MTUS2: variants seen among roughly 807,000 people sequenced by gnomAD.
MTUS2 encodes microtubule associated scaffold protein 2, also known as microtubule-associated tumor suppressor candidate 2.
Under a neutral mutation model 114.1 loss-of-function variants are expected in MTUS2, and 40 were observed. The observed-to-expected ratio is 0.35, with a 90% CI of 0.27 to 0.46. The LOEUF (loss-of-function observed/expected upper bound fraction) is 0.46, where lower values mean the gene tolerates loss of function less well. Ranked by LOEUF, MTUS2 falls within the 20% of genes least tolerant of loss-of-function variation. The pLI is 1.00. For synonymous variants in MTUS2, 688 were observed against 672.0 expected, an observed-to-expected ratio of 1.02 and a Z score of -0.37; for missense variants, 1,679 against 1,705.4, an observed-to-expected ratio of 0.98 and a Z score of 0.27.
At chr13:29,391,127 T>C (rs1873426327) in intron 8 of MTUS2, among the ~76,000 whole-genome samples, 1 of 152,044 alleles carries the variant, frequency 6.6e-6, no homozygotes, top group African/African-American at 2.4e-5. Context: ...TCTCACTCTG[T>C]CACCCAGGCC....
At position 28,989,865 on chromosome 13, in the gene MTUS2, T is replaced by G. The variant is rs868722201; in HGVS notation, c.-242-34592T>G. On this transcript the variant is annotated intron_variant, in intron 2 of 15. Coordinates refer to ENST00000612955, the MANE Select transcript of MTUS2 (RefSeq NM_001033602.4). ...TTGTTTTGTTTTGTTTTTTTTTTTTTTTGCAGAATTGCCTGATTTGTGCAT... is the reference window on the plus strand; with the variant it reads ...TTGTTTTGTTTTGTTTTTTTTTTTTGTTGCAGAATTGCCTGATTTGTGCAT... 5.7e-3 allele frequency among the ~76,000 whole-genome samples: 864 copies of G among 151,888 alleles called. 8 individuals carry two copies. The highest frequency in any genetic ancestry group is 0.02 in the African/African-American group (824 of 41,446).
chr13:29,371,513 C>T (rs919786047), intron 8 of MTUS2, among the ~76,000 whole-genome samples: 1 of 152,100 alleles, frequency 6.6e-6, no homozygotes, highest in African/African-American at 2.4e-5. Context: ...CCACTGTGCC[C>T]GGCCTCTTCA....
At chr13:28,951,989 A>G (rs945704643) in intron 2 of MTUS2, among the ~76,000 whole-genome samples, 7 of 152,210 alleles carry the variant, frequency 4.6e-5, no homozygotes, top group African/African-American at 1.4e-4. Flanking sequence ...TGTGTGCAGC[A>G]TGCCCGCATA....
intron 7 of MTUS2, among the ~76,000 whole-genome samples, chr13:29,358,503 C>T (rs1342961834): frequency 6.6e-6 from 1 of 152,180 alleles, no homozygotes; most frequent in Non-Finnish European, 1.5e-5. Flanking sequence ...ACTTCCTATT[C>T]ATCGTGAGAG....
intron 4 of MTUS2, among the ~76,000 whole-genome samples, chr13:29,038,946 C>G (rs1432560304): frequency 6.6e-6 from 1 of 152,220 alleles, no homozygotes; most frequent in Non-Finnish European, 1.5e-5. Context: ...CCAAAGCCAC[C>G]ACTTCATGTA....
chr13:29,440,583 G>A (rs1877763229), intron 9 of MTUS2, among the ~76,000 whole-genome samples: 1 of 152,174 alleles, frequency 6.6e-6, no homozygotes, highest in African/African-American at 2.4e-5. Flanking sequence ...CCCTGGGGAT[G>A]TGGCTTTCAC....
chr13:29,232,746 A>G (rs1490459075), intron 5 of MTUS2, among the ~76,000 whole-genome samples: 3 of 152,142 alleles, frequency 2.0e-5, no homozygotes, highest in South Asian at 2.1e-4. Flanking sequence ...CACGTTACCT[A>G]TGATTCAGAA....
intron 8 of MTUS2, among the ~76,000 whole-genome samples, chr13:29,382,364 G>C (rs377710005): frequency 1.5e-4 from 23 of 152,190 alleles, no homozygotes; most frequent in African/African-American, 5.5e-4. Flanking sequence ...CCACATGGGG[G>C]AGGGTGATGG....
intron 2 of MTUS2, among the ~76,000 whole-genome samples, chr13:28,853,547 T>C (rs780500246): frequency 6.6e-6 from 1 of 152,190 alleles, no homozygotes; most frequent in African/African-American, 2.4e-5. Context: ...GGAAGTTCCA[T>C]TGTGTGGAGT....
intron 5 of MTUS2, among the ~76,000 whole-genome samples, chr13:29,246,320 C>T (rs573346523): frequency 1.3e-5 from 2 of 152,154 alleles, no homozygotes; most frequent in Non-Finnish European, 2.9e-5. Flanking sequence ...GTCCAACATC[C>T]GAGGCAGACC....
intron 2 of MTUS2, among the ~76,000 whole-genome samples, chr13:29,007,340 A>G (rs1195327192): frequency 1.3e-5 from 2 of 152,130 alleles, no homozygotes; most frequent in Non-Finnish European, 2.9e-5. Flanking sequence ...CAGAGGCAAC[A>G]GATATCAAAT....
chr13:29,391,944 G>T lies in MTUS2; in HGVS notation c.3117+32471G>T, dbSNP rs3121754. Reference sequence around the variant, plus strand: ...GAGGTCAGGAATTTGAGACCAGCCTGGCCAACATGGTGAAACCTGTCTCTA... The same window carrying T: ...GAGGTCAGGAATTTGAGACCAGCCTTGCCAACATGGTGAAACCTGTCTCTA... On this transcript the variant is annotated intron_variant, in intron 8 of 15. Coordinates refer to ENST00000612955, the MANE Select transcript of MTUS2 (RefSeq NM_001033602.4). Among the ~76,000 whole-genome samples the T allele has an allele frequency of 4.0e-3, 608 of 151,762 alleles. 4 individuals are homozygous for T. The highest frequency in any genetic ancestry group is 0.014 in the African/African-American group (571 of 41,434).
At chr13:29,079,793 G>A (rs574916696) in intron 4 of MTUS2, among the ~76,000 whole-genome samples, 1 of 152,192 alleles carries the variant, frequency 6.6e-6, no homozygotes, top group South Asian at 2.1e-4. Flanking sequence ...CTTGATTATT[G>A]TAGCTTTACA....
chr13:29,499,238 G>A (rs930223947), intron 14 of MTUS2, among the ~76,000 whole-genome samples: 17 of 152,152 alleles, frequency 1.1e-4, no homozygotes, highest in African/African-American at 4.1e-4. Context: ...CTCCTGCAGA[G>A]CTAGCAAAGG....
chr13:29,492,122 GTGTA>G (rs1289833076), intron 11 of MTUS2, among the ~76,000 whole-genome samples: 2 of 139,318 alleles, frequency 1.4e-5, no homozygotes, highest in South Asian at 4.8e-4. Flanking sequence ...TGGTGTGTGT[GTGTA>G]TGTGATGTGT....
chr13:29,207,732 CTT>C (rs1895250094), intron 5 of MTUS2, among the ~76,000 whole-genome samples: 1 of 151,978 alleles, frequency 6.6e-6, no homozygotes, highest in South Asian at 2.1e-4. Context: ...CATTTATTGA[CTT>C]GCGTATATTA....
chr13:29,444,701 C>T (rs752530137), intron 9 of MTUS2, among the ~76,000 whole-genome samples: 21 of 152,060 alleles, frequency 1.4e-4, no homozygotes, highest in Admixed American at 6.5e-4. Flanking sequence ...TGGGATAAGC[C>T]CAGGAGGGCA....
intron 8 of MTUS2, among the ~76,000 whole-genome samples, chr13:29,400,491 G>A (rs1325090679): frequency 6.6e-6 from 1 of 152,232 alleles, no homozygotes; most frequent in East Asian, 1.9e-4. Flanking sequence ...ATGAGATGGT[G>A]TATATGCTTA....
chr13:28,833,597 G>C lies in MTUS2; in HGVS notation c.-315-6181G>C, dbSNP rs531127284. Reference sequence around the variant, plus strand: ...GAAGGGAATCTATGAAAAACCCACAGCTAACATCGTACTTGTGAAAGACTG... The same window carrying C: ...GAAGGGAATCTATGAAAAACCCACACCTAACATCGTACTTGTGAAAGACTG... On this transcript the variant is annotated intron_variant, in intron 1 of 15. Coordinates refer to ENST00000612955, the MANE Select transcript of MTUS2 (RefSeq NM_001033602.4). 2.0e-5 allele frequency among the ~76,000 whole-genome samples: 3 copies of C among 152,212 alleles called. No individual in the cohort carries two copies. In the East Asian group the frequency reaches 5.8e-4, roughly 29 times the overall value.
Sources: allele counts gnomAD v4.1 joint callset (sites outside exome capture counted in the v4.1 genomes callset), GRCh38; gene constraint gnomAD v4.1.1; transcripts MANE v1.5; gene names NCBI Gene and HGNC (gene_info 2026-07-23, HGNC 2026-07-21).